The following USP10 variants were observed in gnomAD, a reference collection of about 807,000 sequenced individuals.
USP10 encodes the protein ubiquitin specific peptidase 10, also known as ubiquitin carboxyl-terminal hydrolase 10.
A neutral mutation model predicts 84.5 loss-of-function variants in USP10; 22 were observed. That is an observed-to-expected ratio of 0.26 (90% CI 0.19 to 0.37). The LOEUF is 0.37. Ranked by LOEUF, USP10 falls within the 10% of genes least tolerant of loss-of-function variation. The pLI is 1.00. For synonymous variants in USP10, 454 were observed against 387.6 expected (o/e 1.17, Z -2.01); for missense variants, 1,019 against 998.9 (o/e 1.02, Z -0.27).
At chr16:84,758,574 C>T (rs1003197021) in intron 4 of USP10, 142 bp from the exon 5 acceptor site, 5 of 643,424 alleles carry the variant, frequency 7.8e-6, no homozygotes, top group South Asian at 3.7e-5. Flanking sequence ...CTGAATGAAG[C>T]CTTAACAGTA....
At chr16:84,755,985 C>A (rs1161070650) in intron 4 of USP10, among the ~76,000 whole-genome samples, 1 of 152,150 alleles carries the variant, frequency 6.6e-6, no homozygotes, top group Non-Finnish European at 1.5e-5. Flanking sequence ...TCAGTGAGAA[C>A]CTTCTAGTAT....
intron 1 of USP10, chr16:84,708,811 A>C (rs1180687584): frequency 6.6e-6 from 1 of 152,250 alleles, no homozygotes; most frequent in East Asian, 1.9e-4. Context: ...TTTGTAGAAT[A>C]CTAGACACTT....
intron 1 of USP10, among the ~76,000 whole-genome samples, chr16:84,713,708 C>A (rs1906615270): frequency 6.6e-6 from 1 of 152,192 alleles, no homozygotes; most frequent in African/African-American, 2.4e-5. Flanking sequence ...GCTAGAGAAT[C>A]AACTGTTAGG....
chr16:84,728,014 G>A (rs556339620), intron 1 of USP10, among the ~76,000 whole-genome samples: 1 of 152,300 alleles, frequency 6.6e-6, no homozygotes, highest in Admixed American at 6.5e-5. Context: ...TTGTAGTCTG[G>A]AAGTTTCCCA....
chr16:84,719,216 TAGTG>T (rs1379324028), intron 1 of USP10, among the ~76,000 whole-genome samples: 1 of 152,218 alleles, frequency 6.6e-6, no homozygotes, highest in Non-Finnish European at 1.5e-5. Flanking sequence ...CAACTTTATA[TAGTG>T]AGTAATTATC....
At chr16:84,721,336 T>C (rs76884811) in intron 1 of USP10, among the ~76,000 whole-genome samples, 174 of 152,280 alleles carry the variant, frequency 1.1e-3, no homozygotes, top group African/African-American at 3.8e-3. Flanking sequence ...GATTAACAAA[T>C]AGAGCGTACT....
At chr16:84,739,776 A>G (rs1225945336) in intron 2 of USP10, among the ~76,000 whole-genome samples, 1 of 152,222 alleles carries the variant, frequency 6.6e-6, no homozygotes, top group Non-Finnish European at 1.5e-5. Context: ...AATGTAGTTA[A>G]TTAAGGCACT....
At chr16:84,732,953 T>G (rs1025567074) in intron 1 of USP10, 5 of 399,700 alleles carry the variant, frequency 1.3e-5, no homozygotes, top group African/African-American at 1.1e-4. Flanking sequence ...TAAGAAGTTA[T>G]ATAGATATTT....
chr16:84,736,935 T>C (rs755576229), intron 2 of USP10, among the ~76,000 whole-genome samples: 48 of 152,270 alleles, frequency 3.2e-4, no homozygotes, highest in Admixed American at 6.5e-4. Flanking sequence ...ACTACAGGCG[T>C]CCGCCACCTC....
chr16:84,757,791 A>G lies in USP10; in HGVS notation c.1193-925A>G, dbSNP rs191439498. Among the ~76,000 whole-genome samples the G allele has an allele frequency of 5.4e-4, 82 of 152,296 alleles. 1 individual carries two copies. In the East Asian group the frequency reaches 0.015, roughly 28 times the overall value. ...TATGCTACCTGGCTCCTGTGTGATC[A>G]CAGGTGAGTTAGTCAGTCTTTGGGA... On this transcript the variant is annotated intron_variant, in intron 4 of 13. Coordinates refer to ENST00000219473, the MANE Select transcript of USP10 (RefSeq NM_005153.3).
At chr16:84,716,496 A>C (rs1405054273) in intron 1 of USP10, 1 of 152,200 alleles carries the variant, frequency 6.6e-6, no homozygotes, top group Non-Finnish European at 1.5e-5. Context: ...CAAGGAGATA[A>C]CAGTTCATTC....
intron 1 of USP10, among the ~76,000 whole-genome samples, chr16:84,703,862 A>G (rs74032918): frequency 0.088 from 13,391 of 152,260 alleles, 751 homozygotes; most frequent in African/African-American, 0.16. Flanking sequence ...TTGAGAGCAC[A>G]GCGCACTGAA....
Position 84,764,920 on chromosome 16 carries a change from C to CGAGAGA in USP10, c.1832+664_1832+669dup, listed in dbSNP as rs1450932482. Among the ~76,000 whole-genome samples the CGAGAGA allele has an allele frequency of 2.4e-3, 132 of 55,046 alleles. 1 individual carries two copies. The highest frequency in any genetic ancestry group is 0.013 in the Middle Eastern group (1 of 76). 36.1% of individuals were successfully genotyped at this position (55,046 alleles called of 152,430 possible). A position where few individuals can be genotyped will look rare whatever the true frequency, so the allele number is the denominator to read the frequency against. ...TAAGATAGGTCATAAACAATAACCA[C>CGAGAGA]GAGAGAGAGAGAAAAAAAAATATAT... On this transcript the variant is annotated intron_variant, in intron 10 of 13. Coordinates refer to ENST00000219473, the MANE Select transcript of USP10 (RefSeq NM_005153.3).
At chr16:84,747,395 G>T (rs959721317) in intron 4 of USP10, among the ~76,000 whole-genome samples, 68 of 152,252 alleles carry the variant, frequency 4.5e-4, no homozygotes, top group African/African-American at 1.5e-3. Flanking sequence ...GCAATAGGGT[G>T]ATAGCAAGCA....
At chr16:84,746,816 T>C (rs562138789) in intron 4 of USP10, among the ~76,000 whole-genome samples, 26 of 152,236 alleles carry the variant, frequency 1.7e-4, no homozygotes, top group Non-Finnish European at 2.4e-4. Flanking sequence ...TTTTACGTTT[T>C]ATTTTACTTT....
chr16:84,777,050 A>G (rs1915096704), intron 13 of USP10, among the ~76,000 whole-genome samples: 1 of 152,226 alleles, frequency 6.6e-6, no homozygotes, highest in Non-Finnish European at 1.5e-5. Flanking sequence ...GATCTTGGAA[A>G]TGAGGTCACC....
intron 8 of USP10, among the ~76,000 whole-genome samples, chr16:84,761,775 C>T (rs1044292261): frequency 2.6e-5 from 4 of 152,258 alleles, no homozygotes; most frequent in African/African-American, 7.2e-5. Flanking sequence ...GTTATTGGAC[C>T]GATGGGAACC....
At chr16:84,720,893 A>C (rs1907708763) in intron 1 of USP10, among the ~76,000 whole-genome samples, 1 of 99,024 alleles carries the variant, frequency 1.0e-5, no homozygotes, top group Non-Finnish European at 2.1e-5. Context: ...ATGATGCACA[A>C]TTTTTTTTTT....
At chr16:84,749,825 C>G (rs773803729) in intron 4 of USP10, among the ~76,000 whole-genome samples, 3 of 152,084 alleles carry the variant, frequency 2.0e-5, no homozygotes, top group African/African-American at 7.2e-5. Context: ...TCCACTTTAA[C>G]GGGTTCTACT....
Sources: allele counts gnomAD v4.1 joint callset (sites outside exome capture counted in the v4.1 genomes callset), GRCh38; gene constraint gnomAD v4.1.1; transcripts MANE v1.5; gene names NCBI Gene and HGNC (gene_info 2026-07-23, HGNC 2026-07-21).